NKAIN3: variants seen among roughly 807,000 people sequenced by gnomAD.
The protein encoded by NKAIN3 is sodium/potassium transporting ATPase interacting 3.
In NKAIN3, 25 loss-of-function variants were observed where a neutral mutation model predicts 30.2. The observed-to-expected ratio is 0.83, with a 90% CI of 0.60 to 1.16. The LOEUF (loss-of-function observed/expected upper bound fraction) is 1.16. NKAIN3 is among the 50% of genes most tolerant of loss of function. NKAIN3 has a pLI of 0.00. For synonymous variants in NKAIN3, 91 were observed against 89.6 expected, an observed-to-expected ratio of 1.02 and a Z score of -0.09; for missense variants, 225 against 254.1, an observed-to-expected ratio of 0.89 and a Z score of 0.78.
intron 3 of NKAIN3, among the ~76,000 whole-genome samples, chr8:62,617,596 CAA>C (rs1811497638): frequency 6.6e-6 from 1 of 152,144 alleles, no homozygotes; most frequent in Admixed American, 6.5e-5. Context: ...ATCAGTCTCC[CAA>C]AGAGTGCCCT....
intron 1 of NKAIN3, among the ~76,000 whole-genome samples, chr8:62,487,423 A>G (rs1806937381): frequency 6.6e-6 from 1 of 152,286 alleles, no homozygotes; most frequent in East Asian, 1.9e-4. Context: ...AGAGAAAGAG[A>G]TAAGGGCAAT....
chr8:62,336,311 A>G (rs1815549822), intron 1 of NKAIN3, among the ~76,000 whole-genome samples: 1 of 152,018 alleles, frequency 6.6e-6, no homozygotes, highest in South Asian at 2.1e-4. Flanking sequence ...CGCTTTCTCC[A>G]TTTTGCCTGT....
At chr8:62,516,797 A>T (rs557785591) in intron 1 of NKAIN3, among the ~76,000 whole-genome samples, 1 of 152,074 alleles carries the variant, frequency 6.6e-6, no homozygotes, top group Admixed American at 6.6e-5. Context: ...TCTTTCTGAG[A>T]TTCTCCCTGT....
At chr8:62,697,608 T>C (rs949574609) in intron 3 of NKAIN3, among the ~76,000 whole-genome samples, 1 of 152,188 alleles carries the variant, frequency 6.6e-6, no homozygotes, top group African/African-American at 2.4e-5. Flanking sequence ...CCCCAACATC[T>C]AGAATCTCCC....
At chr8:62,340,261 C>T (rs979145977) in intron 1 of NKAIN3, among the ~76,000 whole-genome samples, 1 of 151,882 alleles carries the variant, frequency 6.6e-6, no homozygotes, top group Admixed American at 6.6e-5. Flanking sequence ...ACTATTTATT[C>T]CAATTCTTCT....
At chr8:62,591,240 G>A (rs1279357950) in intron 3 of NKAIN3, among the ~76,000 whole-genome samples, 3 of 151,848 alleles carry the variant, frequency 2.0e-5, no homozygotes, top group South Asian at 4.2e-4. Context: ...CTATGGAATT[G>A]GCTTCATAGT....
intron 4 of NKAIN3, among the ~76,000 whole-genome samples, chr8:62,892,687 A>G (rs1563615229): frequency 8.8e-6 from 1 of 113,858 alleles, no homozygotes; most frequent in Non-Finnish European, 1.7e-5. Context: ...CAGTTGTTTT[A>G]TTTGGTAAAA....
At chr8:62,581,167 T>TAAAATAAAATAAAAA (rs1810282061) in intron 2 of NKAIN3, among the ~76,000 whole-genome samples, 2 of 133,214 alleles carry the variant, frequency 1.5e-5, no homozygotes, top group African/African-American at 2.6e-5. Context: ...TAAAATAAAA[T>TAAAATAAAATAAAAA]AAAAATACAG....
intron 3 of NKAIN3, among the ~76,000 whole-genome samples, chr8:62,672,952 T>A (rs1317588387): frequency 6.6e-6 from 1 of 152,208 alleles, no homozygotes; most frequent in Non-Finnish European, 1.5e-5. Context: ...GTAATACCTG[T>A]TGGGTATCTA....
chr8:62,909,018 T>C (rs1423837350), intron 4 of NKAIN3, among the ~76,000 whole-genome samples: 4 of 152,168 alleles, frequency 2.6e-5, no homozygotes, highest in Admixed American at 6.6e-5. Context: ...GAGGACCTTT[T>C]TTAATCCCTC....
In NKAIN3 at chr8:62,579,543, C is replaced by T; in HGVS notation, c.59C>T (p.Ser20Leu). The T allele has an allele frequency of 1.2e-6, 2 of 1,602,308 alleles. No individual in the cohort carries two copies. Among genetic ancestry groups the T allele is most frequent in the East Asian group, 2.2e-5 (1 of 44,710 alleles). The change falls in exon 2 of 7, where the codon TCA (serine) becomes TTA (leucine). Residue 20 changes from serine (S) to leucine (L), a missense_variant. Physicochemically the swap from Ser to Leu is moderately radical, Grantham distance 145 (BLOSUM62 -2). Transcript: ENST00000623646. ...LICLCALQLVSALERQIFDFL... is the reference protein window; with the variant it reads ...LICLCALQLVLALERQIFDFL... ...AACTTTCTTTTTTTGTTGTAGGTCT[C>T]AGCATTAGAGAGGCAGATCTTTGAC...
chr8:62,932,591 T>A (rs1010149555), intron 5 of NKAIN3, among the ~76,000 whole-genome samples: 2 of 152,056 alleles, frequency 1.3e-5, no homozygotes, highest in Non-Finnish European at 2.9e-5. Context: ...TTGTGGAAAA[T>A]CTGGATCAAT....
At chr8:62,538,366 G>A (rs1014658250) in intron 1 of NKAIN3, among the ~76,000 whole-genome samples, 2 of 152,034 alleles carry the variant, frequency 1.3e-5, no homozygotes, top group African/African-American at 4.8e-5. Flanking sequence ...GGCAGAAATG[G>A]GTTTCACCAA....
chr8:62,445,192 C>T (rs1179888342), intron 1 of NKAIN3, among the ~76,000 whole-genome samples: 1 of 152,132 alleles, frequency 6.6e-6, no homozygotes, highest in Non-Finnish European at 1.5e-5. Flanking sequence ...GATCCGCGCA[C>T]CTCAGCCTCC....
intron 3 of NKAIN3, among the ~76,000 whole-genome samples, chr8:62,595,853 C>G (rs62509496): frequency 0.036 from 5,486 of 151,980 alleles, 162 homozygotes; most frequent in Non-Finnish European, 0.053. Flanking sequence ...GTCCAGGGGT[C>G]TATGGTAGCT....
chr8:62,740,010 GA>G (rs1815812858), intron 3 of NKAIN3, among the ~76,000 whole-genome samples: 1 of 152,076 alleles, frequency 6.6e-6, no homozygotes, highest in Non-Finnish European at 1.5e-5. Flanking sequence ...TTTTAATGTA[GA>G]AAAATATCAT....
intron 4 of NKAIN3, among the ~76,000 whole-genome samples, chr8:62,807,650 T>C (rs1818342179): frequency 6.6e-6 from 1 of 150,646 alleles, no homozygotes; most frequent in Non-Finnish European, 1.5e-5. Flanking sequence ...CTTCCCGGGT[T>C]CAAGCAATTC....
chr8:62,759,559 T>G (rs562796282), intron 4 of NKAIN3, among the ~76,000 whole-genome samples: 1 of 152,192 alleles, frequency 6.6e-6, no homozygotes, highest in African/African-American at 2.4e-5. Context: ...GGACATCAAA[T>G]CATGAGAACA....
intron 1 of NKAIN3, among the ~76,000 whole-genome samples, chr8:62,504,951 A>C (rs1022851785): frequency 3.9e-5 from 6 of 152,192 alleles, no homozygotes; most frequent in Non-Finnish European, 8.8e-5. Context: ...TACTTTAGCC[A>C]GGTCTTCCTT....
Sources: gnomAD v4.1 joint callset for allele counts (sites outside exome capture counted in the v4.1 genomes callset) on GRCh38, gnomAD v4.1.1 for gene constraint, MANE v1.5 for transcripts, NCBI Gene and HGNC (gene_info 2026-07-23, HGNC 2026-07-21) for gene names.